Variants in TRAF5 observed in about 807,000 individuals in gnomAD.
The protein encoded by TRAF5 is TNF receptor-associated factor 5.
A neutral mutation model predicts 64.5 loss-of-function variants in TRAF5; 48 were observed. The ratio of observed to expected loss-of-function variants is 0.74; its 90% CI spans 0.59 to 0.95. The LOEUF (loss-of-function observed/expected upper bound fraction) is 0.95, where lower values mean the gene tolerates loss of function less well. Ranked by LOEUF, TRAF5 falls within the 40% of genes least tolerant of loss-of-function variation. The probability of loss-of-function intolerance (pLI) is 0.00; values close to 1 mark genes in which losing one functional copy is unlikely to be tolerated. For synonymous variants in TRAF5, 206 were observed against 240.5 expected (o/e 0.86, Z 1.33); for missense variants, 545 against 662.8 (o/e 0.82, Z 1.95).
At chr1:211,332,520 C>A (rs1332260416) in intron 1 of TRAF5, among the ~76,000 whole-genome samples, 1 of 152,168 alleles carries the variant, frequency 6.6e-6, no homozygotes, top group Non-Finnish European at 1.5e-5. Context: ...GGTCCCTCTT[C>A]TGTCTTCATG....
chr1:211,341,140 T>TAGCCTTTCCAATGAGGAGA (rs921829364), intron 1 of TRAF5, among the ~76,000 whole-genome samples: 14 of 152,178 alleles, frequency 9.2e-5, no homozygotes, highest in African/African-American at 2.7e-4. Flanking sequence ...TGGCAGTAGG[T>TAGCCTTTCCAATGAGGAGA]AGCCTTTCCA....
rs1703317719 is a variant in TRAF5, at chr1:211,365,386, G to C, written c.707G>C (p.Arg236Thr). ...CTCTTCATATTGAAGGATAAACGGA[G>C]GAACCTGCAGCAACATGAGCATTCA... ...HYGCAVTDKR[R>T]NLQQHEHSAL... Residue 236 changes from arginine (R) to threonine (T), a missense_variant, in exon 8 of 11, where the codon AGG becomes ACG. Coordinates refer to ENST00000261464, the MANE Select transcript of TRAF5 (RefSeq NM_001033910.3). 4.3e-6 allele frequency: 7 copies of C among 1,613,518 alleles called. No individual in the cohort carries two copies. The East Asian group carries it at 1.6e-4, about 36-fold the overall frequency.
chr1:211,327,868 C>A (rs999677255), intron 1 of TRAF5, among the ~76,000 whole-genome samples: 31 of 152,388 alleles, frequency 2.0e-4, no homozygotes, highest in Middle Eastern at 3.4e-3. Context: ...TAGCCTTGGG[C>A]TCTGACCCAC....
rs189794223 is a variant in TRAF5, at chr1:211,344,857, G to A, written c.-1-8382G>A. Among the ~76,000 whole-genome samples the A allele has an allele frequency of 8.5e-5, 13 of 152,110 alleles. No homozygotes were observed. The East Asian group carries it at 1.6e-3, about 18-fold the overall frequency. On this transcript the variant is annotated intron_variant, in intron 1 of 10. Coordinates refer to ENST00000261464, the MANE Select transcript of TRAF5 (RefSeq NM_001033910.3). ...CAGCCTCGACCTCCCAGGCCCAAGC[G>A]ATCCTCCTGCCACAGCCCCCCAAGT...
rs1553272282 is a variant in TRAF5 at position 211,366,966 on chromosome 1, A to ATTGTTTGT, written c.789+1524_789+1531dup. On this transcript the variant is annotated intron_variant, in intron 8 of 10. Coordinates refer to ENST00000261464, the MANE Select transcript of TRAF5 (RefSeq NM_001033910.3). The stretch of plus-strand genomic sequence containing the variant: ...TAATTGGAAAACACTTGGTCAGCTA[A>ATTGTTTGT]TTGTTTGTTTGTTTGTTTGTTTGTT... Among the ~76,000 whole-genome samples, 141 of 107,710 alleles carry ATTGTTTGT rather than the reference A, an allele frequency of 1.3e-3. 1 individual carries two copies. Among genetic ancestry groups the ATTGTTTGT allele is most frequent in the African/African-American group, 1.7e-3 (64 of 38,320 alleles). The allele number at this position is 107,710 out of a possible 152,430, so 70.7% of individuals were successfully genotyped here. A position where few individuals can be genotyped will look rare whatever the true frequency, so the allele number is the denominator to read the frequency against.
rs771975768 is a variant in TRAF5, at chr1:211,373,664, C to T, written c.*962C>T. ...GGAATTTACAACTTGAGGAGAAAAC[C>T]TTTACAATTTCCTATGGGTGTCAGA... On this transcript the variant is annotated 3_prime_UTR_variant, in exon 11 of 11. Transcript: ENST00000261464. 2.0e-5 allele frequency: 3 copies of T among 152,086 alleles called. No homozygotes were observed. The highest frequency in any genetic ancestry group is 4.4e-5 in the Non-Finnish European group (3 of 68,020). 9.4% of individuals were successfully genotyped at this position (152,086 alleles called of 1,614,324 possible).
At chr1:211,345,062 G>A (rs556105637) in intron 1 of TRAF5, among the ~76,000 whole-genome samples, 9 of 152,292 alleles carry the variant, frequency 5.9e-5, no homozygotes, top group Non-Finnish European at 1.0e-4. Context: ...GGGATTACAG[G>A]CATGCGCCAC....
At chr1:211,352,185 C>A (rs1296223357) in intron 1 of TRAF5, among the ~76,000 whole-genome samples, 1 of 152,128 alleles carries the variant, frequency 6.6e-6, no homozygotes, top group Admixed American at 6.6e-5. Flanking sequence ...CATGTGGCTG[C>A]AGACGCCTCA....
At chr1:211,354,525 G>A in intron 3 of TRAF5, 58 bp downstream of exon 3, 1 of 1,558,154 alleles carries the variant, frequency 6.4e-7, no homozygotes, top group East Asian at 2.2e-5. Context: ...AGAAGTCAGT[G>A]AATTGGACAT....
At chr1:211,340,358 C>T (rs1266010799) in intron 1 of TRAF5, among the ~76,000 whole-genome samples, 1 of 152,192 alleles carries the variant, frequency 6.6e-6, no homozygotes, top group Non-Finnish European at 1.5e-5. Context: ...AATCCCGGCT[C>T]ACTGCAACTT....
intron 1 of TRAF5, among the ~76,000 whole-genome samples, chr1:211,348,457 G>T (rs372914165): frequency 1.3e-5 from 2 of 152,186 alleles, no homozygotes; most frequent in South Asian, 4.1e-4. Flanking sequence ...TTTTAGAGCA[G>T]TTTTAGGTTC....
chr1:211,345,001 C>T (rs1402789968), intron 1 of TRAF5, among the ~76,000 whole-genome samples: 4 of 152,106 alleles, frequency 2.6e-5, no homozygotes, highest in African/African-American at 4.8e-5. Context: ...CTCGGCTCAC[C>T]GCAGCCTCCT....
At chr1:211,357,235 AC>A (rs1558142446) in intron 4 of TRAF5, 1 of 152,192 alleles carries the variant, frequency 6.6e-6, no homozygotes, top group African/African-American at 2.4e-5. Flanking sequence ...TCTCCCGCAC[AC>A]CCACACATTT....
intron 1 of TRAF5, among the ~76,000 whole-genome samples, chr1:211,328,430 G>A (rs771135497): frequency 2.0e-5 from 3 of 152,236 alleles, no homozygotes; most frequent in Non-Finnish European, 4.4e-5. Context: ...CATGGGAAGT[G>A]ATGGAGAAGG....
Position 211,372,790 on chromosome 1 carries a change from C to T in TRAF5, c.*88C>T, listed in dbSNP as rs964803838. The T allele has an allele frequency of 2.5e-6, 3 of 1,214,080 alleles. No homozygotes were observed. Among genetic ancestry groups the T allele is most frequent in the Non-Finnish European group, 3.5e-6 (3 of 855,730 alleles). 75.2% of individuals were successfully genotyped at this position (1,214,080 alleles called of 1,614,324 possible). A position where few individuals can be genotyped will look rare whatever the true frequency, so the allele number is the denominator to read the frequency against. On this transcript the variant is annotated 3_prime_UTR_variant, in exon 11 of 11. Coordinates refer to ENST00000261464, the MANE Select transcript of TRAF5 (RefSeq NM_001033910.3). ...ATTATCATATTGACCTGGATTTAGACTCAAAGCACATTTGTATTTGCCTTT... is the reference window on the plus strand; with the variant it reads ...ATTATCATATTGACCTGGATTTAGATTCAAAGCACATTTGTATTTGCCTTT...
chr1:211,329,717 C>CT (rs890511467), intron 1 of TRAF5, among the ~76,000 whole-genome samples: 12 of 152,116 alleles, frequency 7.9e-5, no homozygotes, highest in African/African-American at 2.9e-4. Flanking sequence ...CTCTGAAGAG[C>CT]TTTTTTCTGC....
chr1:211,343,158 A>G (rs1389180447), intron 1 of TRAF5, among the ~76,000 whole-genome samples: 1 of 152,136 alleles, frequency 6.6e-6, no homozygotes, highest in Non-Finnish European at 1.5e-5. Context: ...TTTCATTATC[A>G]TCGTTTTACA....
At chr1:211,336,394 G>A (rs910306756) in intron 1 of TRAF5, among the ~76,000 whole-genome samples, 1 of 152,134 alleles carries the variant, frequency 6.6e-6, no homozygotes, top group African/African-American at 2.4e-5. Context: ...TTACTCTTCC[G>A]GTCCTAGTTG....
At chr1:211,353,910 G>T (rs184868278) in intron 2 of TRAF5, among the ~76,000 whole-genome samples, 1 of 152,242 alleles carries the variant, frequency 6.6e-6, no homozygotes, top group Non-Finnish European at 1.5e-5. Context: ...TACCAGGAGA[G>T]ATGTGGAAGC....
Sources: allele counts gnomAD v4.1 joint callset (sites outside exome capture counted in the v4.1 genomes callset), GRCh38; gene constraint gnomAD v4.1.1; transcripts MANE v1.5; gene names NCBI Gene and HGNC (gene_info 2026-07-23, HGNC 2026-07-21).